MAN2A1: variants seen among roughly 807,000 people sequenced by gnomAD.
The protein encoded by MAN2A1 is mannosidase alpha class 2A member 1.
A neutral mutation model predicts 142.6 loss-of-function variants in MAN2A1; 76 were observed. That is an observed-to-expected ratio of 0.53 (90% CI 0.44 to 0.65). MAN2A1 has a LOEUF of 0.65. Ranked by LOEUF, MAN2A1 falls within the 30% of genes least tolerant of loss-of-function variation. MAN2A1 has a pLI of 0.00. For missense variants in MAN2A1, 1,311 were observed against 1,365.1 expected, an observed-to-expected ratio of 0.96 and a Z score of 0.62; for synonymous variants, 559 against 473.2, an observed-to-expected ratio of 1.18 and a Z score of -2.35.
intron 21 of MAN2A1, among the ~76,000 whole-genome samples, chr5:109,866,103 T>C (rs1187593236): frequency 6.6e-6 from 1 of 152,196 alleles, no homozygotes; most frequent in Non-Finnish European, 1.5e-5. Flanking sequence ...ACATTTCTTT[T>C]ACCCTACCCT....
At chr5:109,761,221 A>G (rs1752835128) in intron 5 of MAN2A1, among the ~76,000 whole-genome samples, 1 of 151,608 alleles carries the variant, frequency 6.6e-6, no homozygotes, top group Non-Finnish European at 1.5e-5. Flanking sequence ...TAGTATTTAG[A>G]CTATATGTCT....
chr5:109,833,054 C>T (rs1029880329), intron 16 of MAN2A1, among the ~76,000 whole-genome samples: 13 of 151,492 alleles, frequency 8.6e-5, no homozygotes, highest in African/African-American at 3.2e-4. Flanking sequence ...CAGAGGCGCT[C>T]CCCACATCTC....
chr5:109,746,090 T>G (rs1388817746), intron 4 of MAN2A1, among the ~76,000 whole-genome samples: 4 of 152,208 alleles, frequency 2.6e-5, no homozygotes, highest in African/African-American at 9.6e-5. Context: ...TTCTCGTGCC[T>G]CAGCCTCCCG....
At chr5:109,792,313 C>G (rs996264349) in intron 12 of MAN2A1, among the ~76,000 whole-genome samples, 2 of 151,862 alleles carry the variant, frequency 1.3e-5, no homozygotes, top group Non-Finnish European at 2.9e-5. Context: ...CTTGGAGAGT[C>G]TTTTTTTTCT....
At chr5:109,803,127 A>G (rs927462208) in intron 12 of MAN2A1, among the ~76,000 whole-genome samples, 7 of 152,058 alleles carry the variant, frequency 4.6e-5, no homozygotes, top group African/African-American at 7.2e-5. Context: ...ACTTTAAAAG[A>G]ATCTTCCTTA....
rs1387572607 is a variant in MAN2A1 at position 109,734,867 on chromosome 5, T to A, written c.707+5354T>A. Among the ~76,000 whole-genome samples the A allele has an allele frequency of 3.3e-5, 5 of 152,182 alleles. No homozygotes were observed. The South Asian group carries it at 1.0e-3, about 31-fold the overall frequency. On this transcript the variant is annotated intron_variant, in intron 4 of 21. Coordinates refer to ENST00000261483, the MANE Select transcript of MAN2A1 (RefSeq NM_002372.4). ...ATTCTGTTGATTTGGGGTGGAGAGT[T>A]CTGTAGATGTCTGTTAGGTCCACTT... is the stretch of plus-strand genomic sequence containing the variant.
Position 109,729,476 on chromosome 5 carries a change from G to T in MAN2A1, c.670G>T (p.Asp224Tyr), listed in dbSNP as rs766057573. Residue 224 changes from aspartate to tyrosine, a missense_variant, in exon 4 of 22, where the codon GAT (aspartate) becomes TAT (tyrosine). Around this residue, in one of 3 missense-constraint regions of MAN2A1, gnomAD observed 409 missense variants for 412.7 expected, o/e 0.99. Coordinates refer to ENST00000261483, the MANE Select transcript of MAN2A1 (RefSeq NM_002372.4). The stretch of plus-strand genomic sequence containing the variant: ...GATCTCTTACCTTTCAAAGTGGTGG[G>T]ATATTATAGATATTCAGAAGAAGGA... ...SEISYLSKWWDIIDIQKKDAV... is the reference protein window; with the variant it reads ...SEISYLSKWWYIIDIQKKDAV... 3.2e-6 allele frequency: 5 copies of T among 1,556,708 alleles called. No individual in the cohort carries two copies. In the Admixed American group the frequency reaches 8.2e-5, roughly 26 times the overall value.
rs1277473233 is a variant in MAN2A1 at position 109,738,038 on chromosome 5, G to A, written c.707+8525G>A. 3.9e-5 allele frequency among the ~76,000 whole-genome samples: 6 copies of A among 152,126 alleles called. No individual in the cohort carries two copies. The South Asian group carries it at 1.2e-3, about 31-fold the overall frequency. On this transcript the variant is annotated intron_variant, in intron 4 of 21. Coordinates refer to ENST00000261483, the MANE Select transcript of MAN2A1 (RefSeq NM_002372.4). ...ATTCCTTATACAGCTTTGTTCAGCT[G>A]CGTGAAGTTTTGTACCTTCATCTAA... is the stretch of plus-strand genomic sequence containing the variant.
At chr5:109,803,414 AG>A (rs1003649186) in intron 12 of MAN2A1, among the ~76,000 whole-genome samples, 93 of 152,158 alleles carry the variant, frequency 6.1e-4, no homozygotes, top group African/African-American at 2.1e-3. Flanking sequence ...ATTATTATAC[AG>A]TGAATTCAGT....
At chr5:109,730,485 A>G (rs1331687042) in intron 4 of MAN2A1, among the ~76,000 whole-genome samples, 1 of 151,832 alleles carries the variant, frequency 6.6e-6, no homozygotes, top group Non-Finnish European at 1.5e-5. Flanking sequence ...GTTTTCTCCA[A>G]TCTAGAGGTC....
intron 18 of MAN2A1, 82 bp downstream of exon 18, chr5:109,846,088 AATCTCTAGTTAAAAC>A (rs1755338450): frequency 2.4e-6 from 3 of 1,256,216 alleles, no homozygotes; most frequent in African/African-American, 1.5e-5. Context: ...GATGTGGTAT[AATCTCTAGTTAAAAC>A]CTCCCTGTCT....
chr5:109,822,171 CT>C (rs1279030258), intron 15 of MAN2A1, among the ~76,000 whole-genome samples: 322 of 122,906 alleles, frequency 2.6e-3, no homozygotes, highest in East Asian at 0.015. Context: ...TGGGGTTTTT[CT>C]TTTTTTTTTT....
chr5:109,708,144 G>A (rs1475150078), intron 1 of MAN2A1, among the ~76,000 whole-genome samples: 1 of 152,162 alleles, frequency 6.6e-6, no homozygotes, highest in Non-Finnish European at 1.5e-5. Flanking sequence ...CTGATAAACA[G>A]TTGGCAGGAG....
At chr5:109,728,248 ATTTTT>A (rs1302235633) in intron 3 of MAN2A1, among the ~76,000 whole-genome samples, 2 of 152,090 alleles carry the variant, frequency 1.3e-5, no homozygotes, top group African/African-American at 4.8e-5. Flanking sequence ...GCAGGCTTTT[ATTTTT>A]TATTTATTTA....
At chr5:109,695,791 A>G (rs566906442) in intron 1 of MAN2A1, among the ~76,000 whole-genome samples, 99 of 152,366 alleles carry the variant, frequency 6.5e-4, no homozygotes, top group African/African-American at 2.3e-3. Flanking sequence ...TGTTATTAGT[A>G]GGTTAATCAG....
chr5:109,711,271 A>G (rs1314512055), intron 1 of MAN2A1, among the ~76,000 whole-genome samples: 5 of 152,358 alleles, frequency 3.3e-5, no homozygotes, highest in Middle Eastern at 6.8e-3. Flanking sequence ...TTGATTTACC[A>G]TTACCTGCTG....
intron 19 of MAN2A1, chr5:109,854,126 C>CA (rs1157626212): frequency 4.6e-5 from 7 of 151,992 alleles, no homozygotes; most frequent in African/African-American, 7.2e-5. Context: ...AAAAAGGATG[C>CA]AAAATCAGAA....
intron 15 of MAN2A1, among the ~76,000 whole-genome samples, chr5:109,821,188 T>G (rs1413280160): frequency 6.6e-6 from 1 of 152,182 alleles, no homozygotes; most frequent in Non-Finnish European, 1.5e-5. Flanking sequence ...TTTATGCATA[T>G]CCTTTTCTCC....
intron 20 of MAN2A1, among the ~76,000 whole-genome samples, chr5:109,858,820 C>T (rs930441722): frequency 6.6e-6 from 1 of 152,196 alleles, no homozygotes. Flanking sequence ...CAATTCTAAA[C>T]CTCAGTTGGT....
Sources: allele counts gnomAD v4.1 joint callset (sites outside exome capture counted in the v4.1 genomes callset), GRCh38; gene constraint gnomAD v4.1.1; regional missense constraint gnomAD v4.1.1; transcripts MANE v1.5; gene names NCBI Gene and HGNC (gene_info 2026-07-23, HGNC 2026-07-21).